Variants in MYO18A observed in about 807,000 individuals in gnomAD.
MYO18A encodes the protein unconventional myosin-XVIIIa.
A neutral mutation model predicts 235.8 loss-of-function variants in MYO18A; 78 were observed. The observed-to-expected ratio is 0.33, with a 90% confidence interval of 0.28 to 0.40. The LOEUF is 0.40. Ranked by LOEUF, MYO18A falls within the 10% of genes least tolerant of loss-of-function variation. MYO18A has a pLI of 1.00. For synonymous variants in MYO18A, 977 were observed against 1,077.8 expected, an observed-to-expected ratio of 0.91 and a Z score of 1.83; for missense variants, 2,215 against 2,699.3, an observed-to-expected ratio of 0.82 and a Z score of 3.98.
intron 2 of MYO18A, chr17:29,129,205 G>T: frequency 2.1e-6 from 2 of 942,816 alleles, no homozygotes; most frequent in Non-Finnish European, 1.5e-6. Context: ...TGCGGCCACT[G>T]TCTGCCCTTC....
intron 19 of MYO18A, among the ~76,000 whole-genome samples, chr17:29,108,042 C>A (rs1598314528): frequency 1.3e-5 from 2 of 151,878 alleles, no homozygotes; most frequent in African/African-American, 4.8e-5. Flanking sequence ...CCTTTCTGAG[C>A]CTCAGTTTCT....
chr17:29,106,953 C>T lies in MYO18A; in HGVS notation c.3441+127G>A. 1.1e-6 allele frequency: 1 copy of T among 913,878 alleles called. No individual in the cohort carries two copies. The highest frequency in any genetic ancestry group is 2.6e-5 in the East Asian group (1 of 38,160). The allele number at this position is 913,878 out of a possible 1,614,324, so 56.6% of individuals were successfully genotyped here. ...GGCCCCAGGACACAGCTGGGTGCTT[C>T]CAAAACTGGGAGCCTGAGCAGGGCC... is the stretch of plus-strand genomic sequence containing the variant. On this transcript the variant is annotated intron_variant, in intron 20 of 41. Transcript: ENST00000527372. The surrounding 1 kb of genome is among the most constrained non-coding windows in gnomAD (Gnocchi z 4.6).
At chr17:29,089,031 G>GC (rs2066327570) in intron 37 of MYO18A, among the ~76,000 whole-genome samples, 1 of 138,814 alleles carries the variant, frequency 7.2e-6, no homozygotes, top group Admixed American at 7.2e-5. Context: ...GGGCAACAGA[G>GC]CGAGACCCTA....
chr17:29,155,283 G>C (rs889610068), intron 2 of MYO18A: 1 of 152,410 alleles, frequency 6.6e-6, no homozygotes, highest in African/African-American at 2.4e-5. Context: ...TTGCAACAAG[G>C]CTCTGGGGAC....
chr17:29,099,036 T>G, intron 22 of MYO18A, 67 bp from the exon 23 acceptor site: 1 of 1,592,232 alleles, frequency 6.3e-7, no homozygotes, highest in Non-Finnish European at 8.6e-7. Flanking sequence ...CGGCCCAGGA[T>G]CCTCCCCACC....
chr17:29,092,432 C>T lies in MYO18A; in HGVS notation c.5098G>A (p.Ala1700Thr). 1 of 1,612,188 alleles carries T rather than the reference C, an allele frequency of 6.2e-7. No individual in the cohort carries two copies. Residue 1700 changes from alanine (A) to threonine (T), a missense_variant, in exon 34 of 42, where the codon GCG (alanine) becomes ACG (threonine). By Grantham distance (58) the Ala-to-Thr change is moderately conservative. Transcript: ENST00000527372. ...NQLEESEFTCAAAVKARKAME... is the reference protein window; with the variant it reads ...NQLEESEFTCTAAVKARKAME... ...GCTTTCCGTGCTTTCACGGCTGCCG[C>T]ACAGGTGAACTCTGACTCCTCCAGC... is the stretch of plus-strand genomic sequence containing the variant.
intron 2 of MYO18A, chr17:29,131,288 G>A (rs967911480): frequency 2.8e-6 from 2 of 714,170 alleles, no homozygotes; most frequent in Non-Finnish European, 3.4e-6. Flanking sequence ...TGGGTGCAGG[G>A]GCAAACACAC....
chr17:29,138,302 C>A (rs923415074), intron 2 of MYO18A, among the ~76,000 whole-genome samples: 2 of 152,156 alleles, frequency 1.3e-5, no homozygotes, highest in South Asian at 2.1e-4. Context: ...GAAGCTGAGA[C>A]GTAGCTGGTG....
At chr17:29,144,866 C>T (rs962401528) in intron 2 of MYO18A, among the ~76,000 whole-genome samples, 1 of 152,040 alleles carries the variant, frequency 6.6e-6, no homozygotes, top group African/African-American at 2.4e-5. Flanking sequence ...AGAATATAGT[C>T]CAAAACTCCT....
Position 29,118,097 on chromosome 17 carries a change from G to A in MYO18A, c.1986C>T (p.Cys662=). The part of the protein sequence containing the change: ...LGISPDEQKA[C]WFILAAIYHL... The stretch of plus-strand genomic sequence containing the variant: ...GGTAGATGGCAGCCAGAATGAACCA[G>A]CAGGCCTTCTGTTCATCGGGGGAGA... The change falls in exon 10 of 42, where the codon TGC becomes TGT. Residue 662 remains cysteine, a synonymous_variant. Coordinates refer to ENST00000527372, the MANE Select transcript of MYO18A (RefSeq NM_078471.4). The surrounding 1 kb of genome is among the most constrained non-coding windows in gnomAD (Gnocchi z 4.2). 1 of 1,594,128 alleles carries A rather than the reference G, an allele frequency of 6.3e-7. No homozygotes were observed.
intron 31 of MYO18A, 55 bp from the exon 32 acceptor site, chr17:29,093,482 C>T: frequency 7.2e-7 from 1 of 1,381,484 alleles, no homozygotes; most frequent in Non-Finnish European, 1.0e-6. Context: ...TGGTGCGAAG[C>T]AGGCCCCTTC....
chr17:29,129,806 C>T (rs1280590863), intron 2 of MYO18A, among the ~76,000 whole-genome samples: 2 of 152,240 alleles, frequency 1.3e-5, no homozygotes, highest in East Asian at 3.9e-4. Context: ...TTAATCTAGG[C>T]CCTGGTTACA....
intron 41 of MYO18A, among the ~76,000 whole-genome samples, chr17:29,081,386 A>G (rs1408448113): frequency 2.0e-5 from 3 of 152,172 alleles, no homozygotes; most frequent in African/African-American, 7.2e-5. Context: ...ATCTGCAATA[A>G]CAAAATGTTG....
At chr17:29,079,633 G>A in intron 41 of MYO18A, 3 of 852,090 alleles carry the variant, frequency 3.5e-6, no homozygotes, top group Non-Finnish European at 4.2e-6. Flanking sequence ...AGGAGTGCGG[G>A]TGGGCCCTAA....
At chr17:29,089,555 A>AAGGGGAGAGGAGCAGAGCGAGGGC (rs2066344831) in intron 37 of MYO18A, among the ~76,000 whole-genome samples, 1 of 150,584 alleles carries the variant, frequency 6.6e-6, no homozygotes, top group African/African-American at 2.4e-5. Context: ...TGAAGCAGGG[A>AAGGGGAGAGGAGCAGAGCGAGGGC]AGGGGAGAGG....
Position 29,109,823 on chromosome 17 carries a change from A to C in MYO18A, c.3331+35T>G. 1.9e-6 allele frequency: 3 copies of C among 1,540,278 alleles called. No individual in the cohort carries two copies. Among genetic ancestry groups the C allele is most frequent in the Non-Finnish European group, 2.6e-6 (3 of 1,138,994 alleles). ...GGCCGGGCAGGGCCAGCTCTGGAAA[A>C]GAGAGCCCAGAGTGGAGAGGAAAGG... On this transcript the variant is annotated intron_variant, in intron 19 of 41. Transcript: ENST00000527372. This position sits in a 1 kb window ranked among gnomAD's most constrained non-coding sequence, Gnocchi z 4.1.
rs2067335788 is a variant in MYO18A, at chr17:29,126,933, C to A, written c.1000-4680G>T. On this transcript the variant is annotated intron_variant, in intron 2 of 41. Transcript: ENST00000527372. This position sits in a 1 kb window ranked among gnomAD's most constrained non-coding sequence, Gnocchi z 4.1. ...GGGCCCACTGTACCCATCTGCCATC[C>A]AAGCACAGGGCTCCTCAAGAGTCCT... is the stretch of plus-strand genomic sequence containing the variant. Among the ~76,000 whole-genome samples, 1 of 152,204 alleles carries A rather than the reference C, an allele frequency of 6.6e-6. No homozygotes were observed. The highest frequency in any genetic ancestry group is 1.5e-5 in the Non-Finnish European group (1 of 68,024).
At chr17:29,169,377 T>G (rs1567647483) in intron 1 of MYO18A, among the ~76,000 whole-genome samples, 1 of 152,148 alleles carries the variant, frequency 6.6e-6, no homozygotes, top group Non-Finnish European at 1.5e-5. Context: ...AAATGCTACA[T>G]GCACAGTACC....
At chr17:29,147,240 G>C (rs2067867544) in intron 2 of MYO18A, among the ~76,000 whole-genome samples, 1 of 152,224 alleles carries the variant, frequency 6.6e-6, no homozygotes, top group Admixed American at 6.5e-5. Flanking sequence ...GAGCAGGTCA[G>C]GCATGGTGGC....
Sources: gnomAD v4.1 joint callset for allele counts (sites outside exome capture counted in the v4.1 genomes callset) on GRCh38, gnomAD v4.1.1 for gene constraint, Gnocchi (gnomAD v3.1) non-coding constraint, MANE v1.5 for transcripts, NCBI Gene and HGNC (gene_info 2026-07-23, HGNC 2026-07-21) for gene names.